GABRG3: variants seen among roughly 807,000 people sequenced by gnomAD.
GABRG3 encodes gamma-aminobutyric acid receptor subunit gamma-3.
A neutral mutation model predicts 48.8 loss-of-function variants in GABRG3; 25 were observed. That is an observed-to-expected ratio of 0.51 (90% CI 0.37 to 0.72). The LOEUF is 0.72. Ranked by LOEUF, GABRG3 falls within the 30% of genes least tolerant of loss-of-function variation. The pLI is 0.00. For missense variants in GABRG3, 394 were observed against 577.9 expected (o/e 0.68, Z 3.26); for synonymous variants, 227 against 217.6 (o/e 1.04, Z -0.38).
At chr15:27,456,835 A>G (rs2150833624) in intron 5 of GABRG3, among the ~76,000 whole-genome samples, 1 of 152,260 alleles carries the variant, frequency 6.6e-6, no homozygotes, top group Admixed American at 6.5e-5. Flanking sequence ...CCGTGCCAGG[A>G]GGAGCCCAAA....
chr15:27,378,945 TG>T (rs2140562254), intron 5 of GABRG3, among the ~76,000 whole-genome samples: 1 of 121,450 alleles, frequency 8.2e-6, no homozygotes, highest in African/African-American at 3.9e-5. Context: ...ATGTTGTATG[TG>T]TAGGAGAAGT....
chr15:27,411,642 G>A (rs928214595), intron 5 of GABRG3, among the ~76,000 whole-genome samples: 33 of 152,164 alleles, frequency 2.2e-4, no homozygotes, highest in African/African-American at 7.5e-4. Flanking sequence ...ATTTTCAAAG[G>A]CTTTTATATG....
intron 6 of GABRG3, among the ~76,000 whole-genome samples, chr15:27,484,320 T>A (rs1890169960): frequency 6.6e-6 from 1 of 152,208 alleles, no homozygotes; most frequent in Non-Finnish European, 1.5e-5. Context: ...TTTTTTATTC[T>A]GATAATTTAA....
chr15:26,978,835 C>T (rs541088807), intron 2 of GABRG3, among the ~76,000 whole-genome samples: 72 of 152,162 alleles, frequency 4.7e-4, no homozygotes, highest in Non-Finnish European at 9.6e-4. Flanking sequence ...TTTCAATATA[C>T]ATTTTAGAAT....
chr15:27,423,878 A>T (rs1888209335), intron 5 of GABRG3, among the ~76,000 whole-genome samples: 1 of 151,642 alleles, frequency 6.6e-6, no homozygotes, highest in African/African-American at 2.4e-5. Flanking sequence ...CCATTTTCTT[A>T]TTTGCAAAAT....
At chr15:26,997,998 A>G (rs558342351) in intron 2 of GABRG3, among the ~76,000 whole-genome samples, 2 of 152,314 alleles carry the variant, frequency 1.3e-5, no homozygotes, top group East Asian at 3.9e-4. Flanking sequence ...TGAGATTTAC[A>G]ATCTTTATTG....
At chr15:27,189,204 G>A (rs1230957910) in intron 3 of GABRG3, among the ~76,000 whole-genome samples, 1 of 151,188 alleles carries the variant, frequency 6.6e-6, no homozygotes, top group East Asian at 1.9e-4. Context: ...TTGACTTGGC[G>A]ATGCGGGCTC....
intron 3 of GABRG3, among the ~76,000 whole-genome samples, chr15:27,077,022 C>G (rs1896921681): frequency 6.6e-6 from 1 of 152,196 alleles, no homozygotes; most frequent in South Asian, 2.1e-4. Context: ...CGAGGCTGCC[C>G]TCTGATGATC....
At chr15:27,125,717 C>A (rs143681289) in intron 3 of GABRG3, among the ~76,000 whole-genome samples, 3 of 152,176 alleles carry the variant, frequency 2.0e-5, no homozygotes, top group Non-Finnish European at 2.9e-5. Context: ...GTATTCTTTG[C>A]GGGAGCGCTG....
chr15:27,117,513 G>A (rs1897662109), intron 3 of GABRG3, among the ~76,000 whole-genome samples: 1 of 152,084 alleles, frequency 6.6e-6, no homozygotes, highest in African/African-American at 2.4e-5. Context: ...ACTCCCATGA[G>A]GAGCACTTGA....
chr15:27,275,505 GT>G (rs1322128470), intron 3 of GABRG3, among the ~76,000 whole-genome samples: 1 of 152,144 alleles, frequency 6.6e-6, no homozygotes, highest in Non-Finnish European at 1.5e-5. Flanking sequence ...GGAGAAAATG[GT>G]GTTTAATGAG....
At chr15:27,486,177 A>C (rs1430674209) in intron 6 of GABRG3, among the ~76,000 whole-genome samples, 1 of 152,084 alleles carries the variant, frequency 6.6e-6, no homozygotes, top group East Asian at 1.9e-4. Context: ...TTTGTAGTGG[A>C]AGTGATCCTG....
At chr15:27,277,557 C>T (rs777505737) in intron 3 of GABRG3, among the ~76,000 whole-genome samples, 7 of 152,056 alleles carry the variant, frequency 4.6e-5, no homozygotes, top group South Asian at 2.1e-4. Context: ...TATTCCCAGA[C>T]GTTCATTGTT....
intron 5 of GABRG3, among the ~76,000 whole-genome samples, chr15:27,414,368 GA>G (rs1259332009): frequency 1.3e-4 from 19 of 151,996 alleles, no homozygotes; most frequent in Admixed American, 1.2e-3. Flanking sequence ...TTATTCTAGT[GA>G]GCCGTGGCTT....
At chr15:27,171,018 T>C (rs1371416236) in intron 3 of GABRG3, among the ~76,000 whole-genome samples, 1 of 152,164 alleles carries the variant, frequency 6.6e-6, no homozygotes, top group Non-Finnish European at 1.5e-5. Context: ...AGACGATTCA[T>C]CAGGTGACAG....
chr15:27,486,400 TG>T (rs1238907322), intron 6 of GABRG3, among the ~76,000 whole-genome samples: 5 of 152,232 alleles, frequency 3.3e-5, no homozygotes, highest in African/African-American at 1.2e-4. Flanking sequence ...GGACATCTGA[TG>T]TTTTTGAAGT....
intron 5 of GABRG3, among the ~76,000 whole-genome samples, chr15:27,475,737 G>A (rs954602308): frequency 6.6e-6 from 1 of 151,774 alleles, no homozygotes; most frequent in Middle Eastern, 3.2e-3. Flanking sequence ...GGTGATGATG[G>A]TATTGATGAT....
In GABRG3 at chr15:27,236,283, C is replaced by T. The variant is rs1385444080; in HGVS notation, c.271-90526C>T. On this transcript the variant is annotated intron_variant, in intron 3 of 9. Coordinates refer to ENST00000615808, the MANE Select transcript of GABRG3 (RefSeq NM_033223.5). This position sits in a 1 kb window ranked among gnomAD's most constrained non-coding sequence, Gnocchi z 4.4. Reference sequence around the variant, plus strand: ...CCCTCAGTCTCCCAGGGTCTACTTGCACAGCACTGGAGGGAGACTGAAGAG... The same window carrying T: ...CCCTCAGTCTCCCAGGGTCTACTTGTACAGCACTGGAGGGAGACTGAAGAG... 6.6e-6 allele frequency among the ~76,000 whole-genome samples: 1 copy of T among 152,146 alleles called. No individual in the cohort carries two copies. Among genetic ancestry groups the T allele is most frequent in the Non-Finnish European group, 1.5e-5 (1 of 68,028 alleles).
chr15:27,506,222 C>T (rs1400445491), intron 6 of GABRG3, among the ~76,000 whole-genome samples: 1 of 152,176 alleles, frequency 6.6e-6, no homozygotes, highest in African/African-American at 2.4e-5. Flanking sequence ...ATCTTTCACA[C>T]TGTGAACTTG....
Sources: allele counts gnomAD v4.1 joint callset (sites outside exome capture counted in the v4.1 genomes callset), GRCh38; gene constraint gnomAD v4.1.1; non-coding constraint Gnocchi (gnomAD v3.1); transcripts MANE v1.5; gene names NCBI Gene and HGNC (gene_info 2026-07-23, HGNC 2026-07-21).